ACSM2B: variants seen among roughly 807,000 people sequenced by gnomAD.
ACSM2B encodes acyl-coenzyme A synthetase ACSM2B, mitochondrial.
In ACSM2B, 58 loss-of-function variants were observed where a neutral mutation model predicts 78.6. That is an observed-to-expected ratio of 0.74 (90% CI 0.60 to 0.92). The LOEUF is 0.92. Among genes scored for constraint, ACSM2B ranks in the 40% least tolerant of loss-of-function variants. ACSM2B has a pLI of 0.00. For synonymous variants in ACSM2B, 257 were observed against 256.8 expected (o/e 1.00, Z -0.01); for missense variants, 688 against 711.2 (o/e 0.97, Z 0.37).
intron 1 of ACSM2B, chr16:20,575,911 C>G (rs2016236717): frequency 6.6e-6 from 1 of 151,728 alleles, no homozygotes; most frequent in Non-Finnish European, 1.5e-5. Flanking sequence ...CTTCTTCATT[C>G]TTCTGGTCTC....
At chr16:20,563,306 G>T (rs1041716427) in intron 2 of ACSM2B, among the ~76,000 whole-genome samples, 4 of 152,114 alleles carry the variant, frequency 2.6e-5, no homozygotes, top group Non-Finnish European at 5.9e-5. Flanking sequence ...TGAACTATCT[G>T]TTCATATACT....
chr16:20,574,157 G>T (rs894935401), intron 1 of ACSM2B: 2 of 152,046 alleles, frequency 1.3e-5, no homozygotes. Context: ...GCTGGGAAAA[G>T]AATTCAGCAA....
chr16:20,559,777 G>A (rs2015594208), intron 2 of ACSM2B, among the ~76,000 whole-genome samples: 1 of 150,642 alleles, frequency 6.6e-6, no homozygotes, highest in Non-Finnish European at 1.5e-5. Context: ...GAGGAAAGTG[G>A]CATTATTTTA....
intron 1 of ACSM2B, among the ~76,000 whole-genome samples, chr16:20,573,004 A>T: frequency 2.8e-5 from 4 of 143,156 alleles, no homozygotes; most frequent in African/African-American, 2.6e-5. Flanking sequence ...ATTGGACTTC[A>T]CCTTTTCTGG....
intron 2 of ACSM2B, among the ~76,000 whole-genome samples, chr16:20,561,816 A>G (rs1206195822): frequency 6.7e-6 from 1 of 149,044 alleles, no homozygotes; most frequent in Non-Finnish European, 1.5e-5. Flanking sequence ...TGCACCGCTT[A>G]ACTCATCATT....
At chr16:20,562,805 G>A (rs930886691) in intron 2 of ACSM2B, among the ~76,000 whole-genome samples, 2 of 152,140 alleles carry the variant, frequency 1.3e-5, no homozygotes, top group Non-Finnish European at 2.9e-5. Context: ...AGTTGCTTCT[G>A]TAGTTAACAT....
chr16:20,571,383 G>C (rs2016090367), intron 1 of ACSM2B, among the ~76,000 whole-genome samples: 1 of 151,942 alleles, frequency 6.6e-6, no homozygotes, highest in African/African-American at 2.4e-5. Context: ...TGATTTTGAA[G>C]ATTCCTTTTG....
intron 2 of ACSM2B, among the ~76,000 whole-genome samples, chr16:20,562,524 C>T (rs866902499): frequency 6.6e-6 from 1 of 152,110 alleles, no homozygotes; most frequent in African/African-American, 2.4e-5. Context: ...TGGACATAGA[C>T]CAAGCTAACT....
chr16:20,539,290 CTATGA>C (rs1173448622), intron 13 of ACSM2B, among the ~76,000 whole-genome samples: 2,311 of 53,890 alleles, frequency 0.043, 65 homozygotes, highest in African/African-American at 0.092. Context: ...CTCAGAAGAC[CTATGA>C]CAATTAGCCT....
At chr16:20,568,551 C>T (rs1018650600) in intron 1 of ACSM2B, among the ~76,000 whole-genome samples, 39 of 151,154 alleles carry the variant, frequency 2.6e-4, no homozygotes, top group Admixed American at 6.0e-4. Flanking sequence ...TGACTTCTTT[C>T]GTATAATGAC....
At chr16:20,554,155 C>T in intron 4 of ACSM2B, 1 of 688,302 alleles carries the variant, frequency 1.5e-6, no homozygotes. Context: ...ACTTATTTAA[C>T]TTCTCTGTGT....
chr16:20,566,718 G>GTATATAC (rs1337566633), intron 1 of ACSM2B, among the ~76,000 whole-genome samples: 1 of 5,014 alleles, frequency 2.0e-4, no homozygotes, highest in Non-Finnish European at 3.6e-4. Flanking sequence ...AGTATATATA[G>GTATATAC]TATATACTAT....
intron 12 of ACSM2B, chr16:20,541,733 A>G (rs1401769488): frequency 1.6e-5 from 2 of 123,264 alleles, no homozygotes; most frequent in Non-Finnish European, 1.6e-5. Flanking sequence ...CCCAGGCTAG[A>G]GTGCAGAGGC....
Position 20,537,053 on chromosome 16 carries a change from C to G in ACSM2B, c.*205G>C, listed in dbSNP as rs1490282833. On this transcript the variant is annotated 3_prime_UTR_variant, in exon 14 of 14. Transcript: ENST00000329697. ...TTTTCTTTCCTCTTTTTCTGTTACCCTCTCCTTTTCACTCTCTCTCATTCC... is the reference window on the plus strand; with the variant it reads ...TTTTCTTTCCTCTTTTTCTGTTACCGTCTCCTTTTCACTCTCTCTCATTCC... 3 of 520,880 alleles carry G rather than the reference C, an allele frequency of 5.8e-6. No individual in the cohort carries two copies. 32.3% of individuals were successfully genotyped at this position (520,880 alleles called of 1,614,324 possible). A position where few individuals can be genotyped will look rare whatever the true frequency, so the allele number is the denominator to read the frequency against.
In ACSM2B at chr16:20,554,017, G is replaced by A. The variant is rs531417910; in HGVS notation, c.597-97C>T. 24 of 1,439,242 alleles carry A rather than the reference G, an allele frequency of 1.7e-5. No homozygotes were observed. In the African/African-American group the frequency reaches 2.4e-4, roughly 15 times the overall value. The allele number at this position is 1,439,242 out of a possible 1,614,324, so 89.2% of individuals were successfully genotyped here. A position where few individuals can be genotyped will look rare whatever the true frequency, so the allele number is the denominator to read the frequency against. On this transcript the variant is annotated intron_variant, in intron 4 of 13. Coordinates refer to ENST00000329697, the MANE Select transcript of ACSM2B (RefSeq NM_001105069.2). ...CCCACCACCCACTGTGCTGAAAAGGGCAAGTTGATGGACCCACCTCACAAG... is the reference window on the plus strand; with the variant it reads ...CCCACCACCCACTGTGCTGAAAAGGACAAGTTGATGGACCCACCTCACAAG...
At chr16:20,550,740 C>T (rs369274551) in intron 6 of ACSM2B, among the ~76,000 whole-genome samples, 1 of 152,076 alleles carries the variant, frequency 6.6e-6, no homozygotes, top group Non-Finnish European at 1.5e-5. Context: ...ATAACCCAAC[C>T]CCTCTATCAT....
chr16:20,555,043 G>A (rs530394946), intron 4 of ACSM2B, among the ~76,000 whole-genome samples: 113 of 152,166 alleles, frequency 7.4e-4, no homozygotes, highest in African/African-American at 2.7e-3. Flanking sequence ...ATCCTGGGAG[G>A]CATTCTATGT....
intron 3 of ACSM2B, among the ~76,000 whole-genome samples, chr16:20,557,665 T>A (rs540129098): frequency 5.3e-5 from 8 of 152,238 alleles, no homozygotes; most frequent in Non-Finnish European, 1.0e-4. Flanking sequence ...ACTCTTACCA[T>A]GGACCACAAG....
intron 5 of ACSM2B, among the ~76,000 whole-genome samples, chr16:20,553,490 T>A (rs1422089834): frequency 6.6e-6 from 1 of 152,172 alleles, no homozygotes; most frequent in Non-Finnish European, 1.5e-5. Flanking sequence ...AACATAGAGA[T>A]CAGCCTGGGG....
Sources: gnomAD v4.1 joint callset for allele counts (sites outside exome capture counted in the v4.1 genomes callset) on GRCh38, gnomAD v4.1.1 for gene constraint, MANE v1.5 for transcripts, NCBI Gene and HGNC (gene_info 2026-07-23, HGNC 2026-07-21) for gene names.